Variants in ASB3 observed in about 807,000 individuals in gnomAD.
ASB3 encodes the protein ankyrin repeat and SOCS box containing 3, also known as ankyrin repeat and SOCS box protein 3.
Under a neutral mutation model 54.5 loss-of-function variants are expected in ASB3, and 41 were observed. The observed-to-expected ratio is 0.75, with a 90% CI of 0.59 to 0.98. The LOEUF is 0.98. Ranked by LOEUF, ASB3 falls within the 50% of genes least tolerant of loss-of-function variation. The pLI, the probability that ASB3 is intolerant of heterozygous loss-of-function variation, is 0.00. For synonymous variants in ASB3, 266 were observed against 221.2 expected (o/e 1.20, Z -1.80); for missense variants, 733 against 620.0 (o/e 1.18, Z -1.94).
chr2:53,677,159 C>A (rs996307482), intron 9 of ASB3, among the ~76,000 whole-genome samples: 11 of 152,210 alleles, frequency 7.2e-5, no homozygotes, highest in African/African-American at 2.7e-4. Context: ...AGCACAGTAA[C>A]ATGCTGTACA....
At position 53,687,593 on chromosome 2, in the gene ASB3, C is replaced by A. The variant is rs555600577; in HGVS notation, c.1369+6291G>T. Among the ~76,000 whole-genome samples, 45 of 152,256 alleles carry A rather than the reference C, an allele frequency of 3.0e-4. 2 individuals are homozygous for A. The South Asian group carries it at 8.5e-3, about 29-fold the overall frequency. ...AGCTTTATTAACTCTATGATCATGG[C>A]CCCCATGATAGACAAACTGCACAGT... On this transcript the variant is annotated intron_variant, in intron 9 of 9. Coordinates refer to ENST00000263634, the MANE Select transcript of ASB3 (RefSeq NM_016115.5).
At chr2:53,726,840 C>A (rs977651312) in intron 5 of ASB3, among the ~76,000 whole-genome samples, 1 of 151,876 alleles carries the variant, frequency 6.6e-6, no homozygotes, top group Admixed American at 6.6e-5. Context: ...CGGACAGGTG[C>A]GTGCCACCAC....
At chr2:53,741,552 G>A (rs1369767617) in intron 3 of ASB3, among the ~76,000 whole-genome samples, 3 of 152,182 alleles carry the variant, frequency 2.0e-5, no homozygotes, top group African/African-American at 7.2e-5. Context: ...GACATTTTGA[G>A]TGGCACTGCT....
In ASB3 at chr2:53,771,960, T is replaced by G. The variant is rs185414614; in HGVS notation, c.-13-6375A>C. On this transcript the variant is annotated intron_variant, in intron 1 of 9. Transcript: ENST00000263634. ...ATCCTGCGGTATGGTATAAATATTCTTTTTTGTATAATTTTAATTTTATAA... is the reference window on the plus strand; with the variant it reads ...ATCCTGCGGTATGGTATAAATATTCGTTTTTGTATAATTTTAATTTTATAA... 264 of 1,359,426 alleles carry G rather than the reference T, an allele frequency of 1.9e-4. No homozygotes were observed. The Middle Eastern group carries it at 6.4e-3, about 33-fold the overall frequency. The allele number at this position is 1,359,426 out of a possible 1,614,324, so 84.2% of individuals were successfully genotyped here.
rs2104002303 is a variant in ASB3, at chr2:53,670,465, A to G, written c.*38T>C. 9 of 1,589,488 alleles carry G rather than the reference A, an allele frequency of 5.7e-6. No individual in the cohort carries two copies. The highest frequency in any genetic ancestry group is 4.1e-5 in the African/African-American group (3 of 73,502). On this transcript the variant is annotated 3_prime_UTR_variant, in exon 10 of 10. Coordinates refer to ENST00000263634, the MANE Select transcript of ASB3 (RefSeq NM_016115.5). ...GGCTCTTTTGTCTCGATGATTTTTC[A>G]GAGAAAAAAATTAGCTGTGTTAAGT...
chr2:53,748,535 T>G (rs1048503124), intron 3 of ASB3, among the ~76,000 whole-genome samples: 1 of 152,188 alleles, frequency 6.6e-6, no homozygotes, highest in East Asian at 1.9e-4. Context: ...TTTCATAAAT[T>G]AACATTACTA....
chr2:53,678,057 T>C (rs968525259), intron 9 of ASB3, among the ~76,000 whole-genome samples: 2 of 152,216 alleles, frequency 1.3e-5, no homozygotes, highest in African/African-American at 4.8e-5. Flanking sequence ...TGTATGCTTA[T>C]GTTGATATAC....
Position 53,731,783 on chromosome 2 carries a change from G to A in ASB3, c.356-2213C>T, listed in dbSNP as rs183420909. Among the ~76,000 whole-genome samples, 426 of 152,162 alleles carry A rather than the reference G, an allele frequency of 2.8e-3. 2 individuals are homozygous for A. The highest frequency in any genetic ancestry group is 0.024 in the Middle Eastern group (7 of 294). ...TTCTCCTGCCTCAGCCTCCCAAGTC[G>A]CTGGGATTACAGGCACCCGCAATCA... On this transcript the variant is annotated intron_variant, in intron 3 of 9. Transcript: ENST00000263634.
At chr2:53,738,478 A>G (rs530177577) in intron 3 of ASB3, among the ~76,000 whole-genome samples, 62 of 152,330 alleles carry the variant, frequency 4.1e-4, no homozygotes, top group African/African-American at 1.3e-3. Context: ...GAGTTCTTCA[A>G]TCAAACCAGA....
intron 3 of ASB3, among the ~76,000 whole-genome samples, chr2:53,742,019 G>A (rs1671959040): frequency 6.6e-6 from 1 of 152,140 alleles, no homozygotes; most frequent in South Asian, 2.1e-4. Flanking sequence ...GGCTCCCTCT[G>A]AGGAACAAAA....
intron 8 of ASB3, 127 bp downstream of exon 8, chr2:53,700,144 C>A (rs969882851): frequency 7.0e-7 from 1 of 1,434,044 alleles, no homozygotes; most frequent in Non-Finnish European, 9.4e-7. Context: ...AACTCCTTCA[C>A]CCCAATTCAG....
chr2:53,693,263 A>G (rs1382195283), intron 9 of ASB3, among the ~76,000 whole-genome samples: 1 of 152,148 alleles, frequency 6.6e-6, no homozygotes, highest in East Asian at 1.9e-4. Flanking sequence ...CCTGTGCAAA[A>G]TCTTCCCCCA....
intron 3 of ASB3, among the ~76,000 whole-genome samples, chr2:53,743,785 G>A (rs1281844494): frequency 1.3e-5 from 2 of 152,254 alleles, no homozygotes; most frequent in African/African-American, 4.8e-5. Context: ...CCTCACTCCT[G>A]TAATCCCAGT....
intron 5 of ASB3, among the ~76,000 whole-genome samples, chr2:53,717,622 T>C (rs1353526723): frequency 1.3e-5 from 2 of 152,118 alleles, no homozygotes; most frequent in African/African-American, 4.8e-5. Flanking sequence ...GAATTTTGGA[T>C]TTGTGAAAAA....
chr2:53,730,066 C>T (rs1421361389), intron 3 of ASB3, among the ~76,000 whole-genome samples: 4 of 151,962 alleles, frequency 2.6e-5, no homozygotes, highest in African/African-American at 4.8e-5. Flanking sequence ...TTCTTATATC[C>T]ATCAATGAAA....
In ASB3 at chr2:53,686,069, C is replaced by T. The variant is rs142814660; in HGVS notation, c.1369+7815G>A. Reference sequence around the variant, plus strand: ...CTTTACAATAGCCTTTTTAAAGCCGCGTTATTATCACATGATTCTGCTCCC... The same window carrying T: ...CTTTACAATAGCCTTTTTAAAGCCGTGTTATTATCACATGATTCTGCTCCC... On this transcript the variant is annotated intron_variant, in intron 9 of 9. Transcript: ENST00000263634. 8.5e-5 allele frequency among the ~76,000 whole-genome samples: 13 copies of T among 152,240 alleles called. No individual in the cohort carries two copies. In the East Asian group the frequency reaches 1.9e-3, roughly 23 times the overall value.
At chr2:53,780,008 T>TG (rs1204064336) in intron 1 of ASB3, among the ~76,000 whole-genome samples, 2 of 152,330 alleles carry the variant, frequency 1.3e-5, no homozygotes, top group Admixed American at 6.5e-5. Flanking sequence ...TGCTGAAAGA[T>TG]TCTCAACTAA....
intron 5 of ASB3, among the ~76,000 whole-genome samples, chr2:53,722,302 G>A (rs1340404267): frequency 6.6e-6 from 1 of 152,024 alleles, no homozygotes; most frequent in Non-Finnish European, 1.5e-5. Context: ...TCAAGGAGGA[G>A]AGACTCCTCC....
chr2:53,725,307 C>T (rs1205252604), intron 5 of ASB3, among the ~76,000 whole-genome samples: 2 of 152,260 alleles, frequency 1.3e-5, no homozygotes, highest in East Asian at 3.9e-4. Flanking sequence ...GGGAACAGGG[C>T]AAGGGCTGAA....
Sources: gnomAD v4.1 joint callset for allele counts (sites outside exome capture counted in the v4.1 genomes callset) on GRCh38, gnomAD v4.1.1 for gene constraint, MANE v1.5 for transcripts, NCBI Gene and HGNC (gene_info 2026-07-23, HGNC 2026-07-21) for gene names.